ALK: variants seen among roughly 807,000 people sequenced by gnomAD.
ALK encodes ALK tyrosine kinase receptor.
Under a neutral mutation model 163.1 loss-of-function variants are expected in ALK, and 74 were observed. That is an observed-to-expected ratio of 0.45 (90% CI 0.38 to 0.55). ALK has a LOEUF of 0.55. Among genes scored for constraint, ALK ranks in the 20% least tolerant of loss-of-function variants. ALK has a pLI of 0.00. For missense variants in ALK, 2,063 were observed against 2,105.3 expected, an observed-to-expected ratio of 0.98 and a Z score of 0.39; for synonymous variants, 960 against 843.2, an observed-to-expected ratio of 1.14 and a Z score of -2.40.
At chr2:29,344,781 G>C (rs1667897801) in intron 5 of ALK, among the ~76,000 whole-genome samples, 1 of 152,238 alleles carries the variant, frequency 6.6e-6, no homozygotes, top group African/African-American at 2.4e-5. Flanking sequence ...TAGGCACACA[G>C]AGAAGGAGTG....
chr2:29,276,556 G>A (rs888128773), intron 9 of ALK, among the ~76,000 whole-genome samples: 10 of 152,126 alleles, frequency 6.6e-5, no homozygotes, highest in African/African-American at 1.9e-4. Flanking sequence ...TCTGGCATGG[G>A]TATGAAAACA....
intron 9 of ALK, 144 bp downstream of exon 9, chr2:29,296,744 C>T (rs935385040): frequency 7.3e-5 from 61 of 834,276 alleles, no homozygotes; most frequent in Middle Eastern, 2.5e-4. Flanking sequence ...TGTGTGTGCA[C>T]GTGCGTGCAC....
At chr2:29,666,883 C>T (rs1049069145) in intron 3 of ALK, among the ~76,000 whole-genome samples, 3 of 152,014 alleles carry the variant, frequency 2.0e-5, no homozygotes, top group African/African-American at 7.2e-5. Flanking sequence ...CCAATCTACT[C>T]TCTATCTTCA....
chr2:29,407,240 G>A (rs999936157), intron 4 of ALK, among the ~76,000 whole-genome samples: 3 of 152,204 alleles, frequency 2.0e-5, no homozygotes, highest in African/African-American at 7.2e-5. Context: ...ATAAACCTAT[G>A]AATCAAATTT....
At chr2:29,281,519 T>C (rs1477161276) in intron 9 of ALK, among the ~76,000 whole-genome samples, 1 of 152,246 alleles carries the variant, frequency 6.6e-6, no homozygotes, top group Non-Finnish European at 1.5e-5. Flanking sequence ...GCTCTTTCTG[T>C]TTCTTCAAAG....
intron 1 of ALK, among the ~76,000 whole-genome samples, chr2:29,774,792 T>C (rs1681126132): frequency 6.6e-6 from 1 of 152,012 alleles, no homozygotes; most frequent in Non-Finnish European, 1.5e-5. Flanking sequence ...AATTAAAGAG[T>C]TTCTGTTGAG....
At chr2:29,445,845 A>G (rs2148086598) in intron 4 of ALK, among the ~76,000 whole-genome samples, 1 of 151,990 alleles carries the variant, frequency 6.6e-6, no homozygotes, top group East Asian at 1.9e-4. Flanking sequence ...CACGCCTGTA[A>G]TCCCAGCACT....
intron 4 of ALK, among the ~76,000 whole-genome samples, chr2:29,501,443 C>T (rs1672173231): frequency 6.6e-6 from 1 of 152,200 alleles, no homozygotes; most frequent in Non-Finnish European, 1.5e-5. Context: ...GCTTCATTTC[C>T]ATGTCCTTAC....
chr2:29,257,231 CATTT>C (rs532325299), intron 11 of ALK, among the ~76,000 whole-genome samples: 82 of 61,822 alleles, frequency 1.3e-3, no homozygotes, highest in African/African-American at 5.0e-3. Context: ...TATTAATACT[CATTT>C]ATGAAAGAAA....
intron 1 of ALK, among the ~76,000 whole-genome samples, chr2:29,720,211 T>A (rs1419042102): frequency 6.6e-6 from 1 of 150,422 alleles, no homozygotes; most frequent in Non-Finnish European, 1.5e-5. Flanking sequence ...TTCAGGGGTT[T>A]AAAAAAAAAG....
At chr2:29,499,547 G>A (rs1355540674) in intron 4 of ALK, among the ~76,000 whole-genome samples, 2 of 152,020 alleles carry the variant, frequency 1.3e-5, no homozygotes, top group Non-Finnish European at 2.9e-5. Context: ...ACAAATACTC[G>A]AAGTTCAGAT....
chr2:29,442,193 C>A (rs1013935970), intron 4 of ALK, among the ~76,000 whole-genome samples: 1 of 152,080 alleles, frequency 6.6e-6, no homozygotes, highest in African/African-American at 2.4e-5. Context: ...GTAAAAAGAG[C>A]ATCTGTTGGG....
intron 23 of ALK, among the ~76,000 whole-genome samples, chr2:29,219,562 T>C (rs1669728995): frequency 6.6e-6 from 1 of 152,212 alleles, no homozygotes; most frequent in African/African-American, 2.4e-5. Context: ...CAGTGGTTCG[T>C]TGAGGAAGCC....
intron 23 of ALK, among the ~76,000 whole-genome samples, chr2:29,216,934 GGT>G (rs1491073666): frequency 1.1e-4 from 1 of 9,436 alleles, no homozygotes; most frequent in African/African-American, 2.9e-4. Context: ...GTGTGTGGGG[GGT>G]GTGTGTGTGG....
intron 4 of ALK, among the ~76,000 whole-genome samples, chr2:29,522,069 G>A (rs1282997148): frequency 6.6e-6 from 1 of 152,178 alleles, no homozygotes; most frequent in African/African-American, 2.4e-5. Context: ...AATAAATAAT[G>A]GTTAATAATG....
At chr2:29,765,367 T>G (rs926737473) in intron 1 of ALK, among the ~76,000 whole-genome samples, 8 of 152,226 alleles carry the variant, frequency 5.3e-5, no homozygotes, top group African/African-American at 1.9e-4. Context: ...CAGCTTCTCA[T>G]GAGCTCTCTC....
chr2:29,433,147 T>C (rs556868142), intron 4 of ALK, among the ~76,000 whole-genome samples: 6 of 152,216 alleles, frequency 3.9e-5, no homozygotes, highest in Middle Eastern at 3.2e-3. Context: ...GAACCCATAG[T>C]AGGGACTTCA....
intron 6 of ALK, among the ~76,000 whole-genome samples, chr2:29,324,934 G>T (rs1381352909): frequency 6.6e-6 from 1 of 152,142 alleles, no homozygotes; most frequent in African/African-American, 2.4e-5. Context: ...CTCCATCTCA[G>T]GCCCTCCACT....
intron 13 of ALK, 93 bp from the exon 14 acceptor site, chr2:29,233,789 A>C: frequency 3.9e-6 from 6 of 1,552,898 alleles, no homozygotes; most frequent in Non-Finnish European, 5.3e-6. Context: ...ACAGGATCTG[A>C]CTCTCTCTCA....
Sources: allele counts gnomAD v4.1 joint callset (sites outside exome capture counted in the v4.1 genomes callset), GRCh38; gene constraint gnomAD v4.1.1; transcripts MANE v1.5; gene names NCBI Gene and HGNC (gene_info 2026-07-23, HGNC 2026-07-21).